Variants in BCAR1 observed in about 807,000 individuals in gnomAD.
BCAR1 encodes BCAR1 scaffold protein, Cas family member.
A neutral mutation model predicts 67.6 loss-of-function variants in BCAR1; 30 were observed. The ratio of observed to expected loss-of-function variants is 0.44; its 90% CI spans 0.33 to 0.60. The LOEUF (loss-of-function observed/expected upper bound fraction) is 0.60. Ranked by LOEUF, BCAR1 falls within the 20% of genes least tolerant of loss-of-function variation. The pLI is 0.02. For synonymous variants in BCAR1, 626 were observed against 556.7 expected (o/e 1.12, Z -1.75); for missense variants, 1,313 against 1,222.3 (o/e 1.07, Z -1.11).
upstream of BCAR1, among the ~76,000 whole-genome samples, chr16:75,253,163 C>T (rs147853370): frequency 6.6e-6 from 1 of 152,104 alleles, no homozygotes. Context: ...CTGCCTGGAG[C>T]ATCTCCTCCT....
intron 6 of BCAR1, among the ~76,000 whole-genome samples, chr16:75,231,759 G>C (rs1164262589): frequency 6.6e-6 from 1 of 152,248 alleles, no homozygotes; most frequent in African/African-American, 2.4e-5. Context: ...GCAGGGGACT[G>C]GTGAAGTCAG....
At chr16:75,232,797 G>A (rs1280680023) in intron 6 of BCAR1, among the ~76,000 whole-genome samples, 2 of 152,156 alleles carry the variant, frequency 1.3e-5, no homozygotes, top group African/African-American at 4.8e-5. Context: ...TTCTCACCGA[G>A]CTCTCATGAG....
At chr16:75,234,073 G>GCA (rs542118792) in intron 5 of BCAR1, 138 bp from the exon 6 acceptor site, 13 of 707,670 alleles carry the variant, frequency 1.8e-5, no homozygotes, top group Middle Eastern at 3.5e-4. Context: ...ACACGTGGAC[G>GCA]CACACACACA....
At chr16:75,256,435 C>T (rs2077777948), upstream of BCAR1, among the ~76,000 whole-genome samples, 1 of 152,028 alleles carries the variant, frequency 6.6e-6, no homozygotes, top group African/African-American at 2.4e-5. Flanking sequence ...ATGCCCAAGG[C>T]CAGTCCCCAG....
intron 1 of BCAR1, among the ~76,000 whole-genome samples, chr16:75,259,310 C>T (rs552175453): frequency 6.6e-6 from 1 of 152,214 alleles, no homozygotes; most frequent in South Asian, 2.1e-4. Flanking sequence ...ATTTTGCCAA[C>T]AATAGTGCCA....
intron 1 of BCAR1, among the ~76,000 whole-genome samples, chr16:75,267,112 G>T (rs982104189): frequency 6.6e-6 from 1 of 152,178 alleles, no homozygotes; most frequent in African/African-American, 2.4e-5. Context: ...TTTCCCCAAG[G>T]GGCGTGCAGC....
chr16:75,241,394 G>A (rs969150396), intron 2 of BCAR1, among the ~76,000 whole-genome samples: 1 of 152,160 alleles, frequency 6.6e-6, no homozygotes, highest in African/African-American at 2.4e-5. Context: ...TCTGTGTGGG[G>A]TGTGGGTATA....
chr16:75,254,113 T>C (rs534295813), upstream of BCAR1, among the ~76,000 whole-genome samples: 23 of 152,128 alleles, frequency 1.5e-4, no homozygotes, highest in South Asian at 2.9e-3. Flanking sequence ...GCCCCATTTT[T>C]CACATGAAGA....
At chr16:75,252,258 C>G (rs769680788), upstream of BCAR1, 2 of 1,536,610 alleles carry the variant, frequency 1.3e-6, no homozygotes, top group African/African-American at 1.4e-5. Context: ...GTGCCGACAT[C>G]TGGGGACTCG....
chr16:75,239,647 C>T (rs991604321), intron 2 of BCAR1, among the ~76,000 whole-genome samples: 1 of 152,168 alleles, frequency 6.6e-6, no homozygotes, highest in African/African-American at 2.4e-5. Context: ...CCAGGAGCCT[C>T]GTTTCCTCCT....
At chr16:75,264,755 CT>C (rs201481973) in intron 1 of BCAR1, 20,659 of 833,694 alleles carry the variant, frequency 0.025, 383 homozygotes, top group Middle Eastern at 0.1. Context: ...CCCCCACTGC[CT>C]GCTTCACGGA....
At chr16:75,233,795 CTCAGGGGG>C in intron 6 of BCAR1, 43 bp downstream of exon 6, 1 of 1,533,286 alleles carries the variant, frequency 6.5e-7, no homozygotes, top group African/African-American at 1.4e-5. Flanking sequence ...GAGCTGGGGG[CTCAGGGGG>C]TCAGCGGGCA....
At chr16:75,241,144 G>A (rs563933943) in intron 2 of BCAR1, among the ~76,000 whole-genome samples, 3 of 152,356 alleles carry the variant, frequency 2.0e-5, no homozygotes, top group South Asian at 2.1e-4. Flanking sequence ...GGACGTACAC[G>A]TGTCTGTGTG....
chr16:75,235,585 G>A lies in BCAR1; in HGVS notation c.1314C>T (p.Ser438=), dbSNP rs774317404. Residue 438 remains serine (S), a synonymous_variant, in exon 5 of 7, where the codon AGC becomes AGT. Coordinates refer to ENST00000162330, the MANE Select transcript of BCAR1 (RefSeq NM_014567.5). ...CCACCTCCAAGGAGGACGCAGACTGGCTGCTGCGTGTGCTGCCGGTGCTGG... is the reference window on the plus strand; with the variant it reads ...CCACCTCCAAGGAGGACGCAGACTGACTGCTGCGTGTGCTGCCGGTGCTGG... The part of the protein sequence containing the change: ...SASSTGSTRS[S]QSASSLEVAG... The A allele has an allele frequency of 1.9e-6, 3 of 1,591,966 alleles. No individual in the cohort carries two copies. The highest frequency in any genetic ancestry group is 2.6e-6 in the Non-Finnish European group (3 of 1,169,232).
At chr16:75,231,257 G>T (rs532257659) in intron 6 of BCAR1, among the ~76,000 whole-genome samples, 5 of 152,022 alleles carry the variant, frequency 3.3e-5, no homozygotes, top group Non-Finnish European at 7.4e-5. Flanking sequence ...GCTAATTTTT[G>T]TATTTTTGGT....
chr16:75,250,711 C>G (rs1476676924), intron 1 of BCAR1: 1 of 985,452 alleles, frequency 1.0e-6, no homozygotes, highest in East Asian at 1.1e-4. Flanking sequence ...AGAGGGAGCT[C>G]CGACCCTGCT....
intron 6 of BCAR1, among the ~76,000 whole-genome samples, chr16:75,233,571 G>A (rs779672552): frequency 6.6e-5 from 10 of 152,230 alleles, no homozygotes; most frequent in Non-Finnish European, 1.0e-4. Context: ...GCCCCGTGCT[G>A]AGCCTATGGC....
chr16:75,262,466 C>T (rs183885576), intron 1 of BCAR1, among the ~76,000 whole-genome samples: 2 of 152,188 alleles, frequency 1.3e-5, no homozygotes, highest in East Asian at 1.9e-4. Flanking sequence ...ACCTGGTGAA[C>T]GAGGCAGCTG....
chr16:75,251,455 C>G lies in BCAR1; in HGVS notation c.12+16G>C, dbSNP rs1477062121. 6.9e-7 allele frequency: 1 copy of G among 1,457,268 alleles called. No homozygotes were observed. The highest frequency in any genetic ancestry group is 9.1e-7 in the Non-Finnish European group (1 of 1,104,686). 90.3% of individuals were successfully genotyped at this position (1,457,268 alleles called of 1,614,324 possible). ...TCCAAGCCCGTACGCGGCCCGGCCC[C>G]ACCTGGCGCCCTCACCAGGTGGTTC... is the stretch of plus-strand genomic sequence containing the variant. On this transcript the variant is annotated intron_variant, in intron 1 of 6. Coordinates refer to ENST00000162330, the MANE Select transcript of BCAR1 (RefSeq NM_014567.5).
Sources: gnomAD v4.1 joint callset for allele counts (sites outside exome capture counted in the v4.1 genomes callset) on GRCh38, gnomAD v4.1.1 for gene constraint, MANE v1.5 for transcripts, NCBI Gene and HGNC (gene_info 2026-07-23, HGNC 2026-07-21) for gene names.